CYTH1: variants seen among roughly 807,000 people sequenced by gnomAD.
CYTH1 encodes cytohesin-1.
A neutral mutation model predicts 61.8 loss-of-function variants in CYTH1; 18 were observed. The ratio of observed to expected loss-of-function variants is 0.29; its 90% CI spans 0.20 to 0.43. The LOEUF (loss-of-function observed/expected upper bound fraction) is 0.43. CYTH1 is among the 20% of genes least tolerant of loss of function. The pLI is 1.00. For missense variants in CYTH1, 336 were observed against 510.5 expected (o/e 0.66, Z 3.29); for synonymous variants, 174 against 184.3 (o/e 0.94, Z 0.45).
intron 3 of CYTH1, among the ~76,000 whole-genome samples, chr17:78,707,281 A>G (rs1644442253): frequency 6.6e-6 from 1 of 152,144 alleles, no homozygotes; most frequent in African/African-American, 2.4e-5. Flanking sequence ...AAATACAGAC[A>G]TGTAGTGAAT....
Position 78,701,194 on chromosome 17 carries a change from C to T in CYTH1, c.437+477G>A, listed in dbSNP as rs560197989. Among the ~76,000 whole-genome samples the T allele has an allele frequency of 2.6e-5, 4 of 152,208 alleles. No homozygotes were observed. The South Asian group carries it at 8.3e-4, about 32-fold the overall frequency. On this transcript the variant is annotated intron_variant, in intron 6 of 13. Coordinates refer to ENST00000446868, the MANE Select transcript of CYTH1 (RefSeq NM_004762.6). ...TGACAGGTTTAATTGTGGATTGTTT[C>T]CATCCAGCTAAATGATAGCACAAAA...
intron 1 of CYTH1, among the ~76,000 whole-genome samples, chr17:78,758,004 G>C (rs959067713): frequency 6.6e-6 from 1 of 152,152 alleles, no homozygotes; most frequent in African/African-American, 2.4e-5. Context: ...GGTATGAGGT[G>C]TAAACTGATT....
intron 1 of CYTH1, 121 bp from the exon 2 acceptor site, chr17:78,709,853 G>A (rs1453379786): frequency 7.6e-6 from 6 of 791,050 alleles, no homozygotes; most frequent in Non-Finnish European, 1.2e-5. Context: ...TTTCAGAAAT[G>A]ACTGAGTGAT....
chr17:78,676,189 G>C lies in CYTH1; in HGVS notation c.1119-20C>G. 4 of 1,596,046 alleles carry C rather than the reference G, an allele frequency of 2.5e-6. No homozygotes were observed. The South Asian group carries it at 3.4e-5, about 14-fold the overall frequency. On this transcript the variant is annotated intron_variant, in intron 13 of 13. Coordinates refer to ENST00000446868, the MANE Select transcript of CYTH1 (RefSeq NM_004762.6). ...GCTGCTCTGGAGCACAGAAAAGGGA[G>C]AAAACAGAGACGTGAGGGACAGAAT... is the stretch of plus-strand genomic sequence containing the variant.
chr17:78,704,741 T>A (rs1232478519), intron 3 of CYTH1, among the ~76,000 whole-genome samples: 1 of 152,206 alleles, frequency 6.6e-6, no homozygotes, highest in East Asian at 1.9e-4. Flanking sequence ...AGGCTGGTCT[T>A]AAACTCCTGG....
At chr17:78,730,623 G>A (rs2093288611) in intron 1 of CYTH1, among the ~76,000 whole-genome samples, 1 of 151,910 alleles carries the variant, frequency 6.6e-6, no homozygotes, top group South Asian at 2.1e-4. Context: ...TGATTCCTCT[G>A]TAGAGGAAGG....
intron 1 of CYTH1, among the ~76,000 whole-genome samples, chr17:78,711,103 A>G (rs1196086259): frequency 6.6e-6 from 1 of 151,892 alleles, no homozygotes; most frequent in Non-Finnish European, 1.5e-5. Flanking sequence ...ACTACTAAAA[A>G]TACAAAAAAT....
At chr17:78,782,046 C>T (rs1383355600) in intron 1 of CYTH1, among the ~76,000 whole-genome samples, 156 bp downstream of exon 1, 1 of 151,152 alleles carries the variant, frequency 6.6e-6, no homozygotes, top group Non-Finnish European at 1.5e-5. Context: ...CCCGCGAGGG[C>T]CCCGCGCACC....
rs182273255 is a variant in CYTH1, at chr17:78,733,347, C to T, written c.23-23615G>A. Among the ~76,000 whole-genome samples the T allele has an allele frequency of 3.2e-3, 491 of 152,300 alleles. 2 individuals are homozygous for T. The highest frequency in any genetic ancestry group is 3.3e-3 in the Non-Finnish European group (222 of 68,024). On this transcript the variant is annotated intron_variant, in intron 1 of 13. Transcript: ENST00000446868. Reference sequence around the variant, plus strand: ...CTGACAATGAACTATACACTGTTCTCATCAGTTTACAGGTAAGATAAAGAC... The same window carrying T: ...CTGACAATGAACTATACACTGTTCTTATCAGTTTACAGGTAAGATAAAGAC...
chr17:78,685,782 C>T (rs895567730), intron 11 of CYTH1, among the ~76,000 whole-genome samples: 1 of 152,036 alleles, frequency 6.6e-6, no homozygotes, highest in South Asian at 2.1e-4. Context: ...CAGGAGAGTG[C>T]GGCCAGCTGT....
At chr17:78,696,065 G>A in intron 9 of CYTH1, 56 bp from the exon 10 acceptor site, 1 of 1,366,636 alleles carries the variant, frequency 7.3e-7, no homozygotes. Context: ...TACAAATGAG[G>A]GAGAAAAGAA....
In CYTH1 at chr17:78,756,763, G is replaced by T. The variant is rs1269333857; in HGVS notation, c.22+25439C>A. ...GATCACTTGAGCCGAGGAAGTCAAG[G>T]CTGCAGTGAGCTATGATCATGCCAC... On this transcript the variant is annotated intron_variant, in intron 1 of 13. Transcript: ENST00000446868. 2.6e-5 allele frequency among the ~76,000 whole-genome samples: 4 copies of T among 151,802 alleles called. No individual in the cohort carries two copies. In the East Asian group the frequency reaches 7.7e-4, roughly 29 times the overall value.
chr17:78,743,473 T>A (rs1012938944), intron 1 of CYTH1, among the ~76,000 whole-genome samples: 15 of 152,184 alleles, frequency 9.9e-5, no homozygotes, highest in Admixed American at 9.2e-4. Flanking sequence ...AGTGCCAACA[T>A]GACACTCAAA....
intron 11 of CYTH1, among the ~76,000 whole-genome samples, chr17:78,682,489 C>A (rs892061119): frequency 1.5e-4 from 23 of 152,220 alleles, no homozygotes; most frequent in African/African-American, 5.5e-4. Flanking sequence ...CCAGAGCACT[C>A]TTCCCTCCTC....
intron 1 of CYTH1, chr17:78,727,751 T>G (rs988954282): frequency 3.4e-5 from 16 of 470,686 alleles, no homozygotes; most frequent in African/African-American, 6.0e-5. Context: ...AGGGCAGGCT[T>G]CTTCTTCTCT....
At chr17:78,764,677 C>G (rs1204597836) in intron 1 of CYTH1, among the ~76,000 whole-genome samples, 1 of 151,974 alleles carries the variant, frequency 6.6e-6, no homozygotes, top group Non-Finnish European at 1.5e-5. Context: ...ACTGCAACTC[C>G]CAAGTTTCCA....
At chr17:78,778,637 C>CAAAAAAAAAA (rs71309108) in intron 1 of CYTH1, among the ~76,000 whole-genome samples, 247 of 63,878 alleles carry the variant, frequency 3.9e-3, no homozygotes, top group East Asian at 5.0e-3. Flanking sequence ...GACTCCATCT[C>CAAAAAAAAAA]AAAAAAAAAA....
chr17:78,751,319 C>T (rs1010252573), intron 1 of CYTH1, among the ~76,000 whole-genome samples: 1 of 152,146 alleles, frequency 6.6e-6, no homozygotes, highest in Non-Finnish European at 1.5e-5. Flanking sequence ...GCCAACAGCA[C>T]TGTAACTCAT....
chr17:78,773,518 A>T (rs889824831), intron 1 of CYTH1, among the ~76,000 whole-genome samples: 5 of 151,752 alleles, frequency 3.3e-5, no homozygotes, highest in Non-Finnish European at 5.9e-5. Context: ...TAATTCCGCT[A>T]CTCAGGAGGC....
Sources: allele counts gnomAD v4.1 joint callset (sites outside exome capture counted in the v4.1 genomes callset), GRCh38; gene constraint gnomAD v4.1.1; transcripts MANE v1.5; gene names NCBI Gene and HGNC (gene_info 2026-07-23, HGNC 2026-07-21).